The following ADGRF1 variants were observed in gnomAD, a reference collection of about 807,000 sequenced individuals.
ADGRF1 encodes the protein G protein-coupled receptor 110.
Under a neutral mutation model 87.2 loss-of-function variants are expected in ADGRF1, and 85 were observed. The ratio of observed to expected loss-of-function variants is 0.97; its 90% CI spans 0.82 to 1.17. ADGRF1 has a LOEUF of 1.17. ADGRF1 is among the 50% of genes most tolerant of loss of function. The pLI, the probability that ADGRF1 is intolerant of heterozygous loss-of-function variation, is 0.00. For synonymous variants in ADGRF1, 430 were observed against 408.8 expected (o/e 1.05, Z -0.63); for missense variants, 1,169 against 1,077.2 (o/e 1.09, Z -1.19).
chr6:47,012,248 C>A, intron 9 of ADGRF1, 53 bp from the exon 10 acceptor site: 1 of 1,586,128 alleles, frequency 6.3e-7, no homozygotes, highest in Non-Finnish European at 8.6e-7. Flanking sequence ...TGTGTTTCAT[C>A]AAATTTAAAT....
chr6:47,011,673 G>A (rs1242863180), intron 10 of ADGRF1, among the ~76,000 whole-genome samples: 1 of 152,172 alleles, frequency 6.6e-6, no homozygotes, highest in Non-Finnish European at 1.5e-5. Flanking sequence ...AATATACACT[G>A]TTCAAGTCTG....
chr6:46,999,929 A>C lies in ADGRF1; in HGVS notation c.*293T>G, dbSNP rs894187869. 3 of 237,440 alleles carry C rather than the reference A, an allele frequency of 1.3e-5. No homozygotes were observed. Among genetic ancestry groups the C allele is most frequent in the Middle Eastern group, 1.5e-3 (1 of 688 alleles). 14.7% of individuals were successfully genotyped at this position (237,440 alleles called of 1,614,324 possible). A position where few individuals can be genotyped will look rare whatever the true frequency, so the allele number is the denominator to read the frequency against. ...ATGTGAATAATGCTGTTTTATGAAAATAGAAACCATATTTTATGGTCAGGG... is the reference window on the plus strand; with the variant it reads ...ATGTGAATAATGCTGTTTTATGAAACTAGAAACCATATTTTATGGTCAGGG... On this transcript the variant is annotated 3_prime_UTR_variant, in exon 15 of 15. Transcript: ENST00000371253.
intron 4 of ADGRF1, 58 bp downstream of exon 4, chr6:47,025,796 C>G (rs1780210318): frequency 3.4e-6 from 5 of 1,473,642 alleles, no homozygotes; most frequent in African/African-American, 2.8e-5. Flanking sequence ...CCCAACCTAG[C>G]CTGACTGATA....
chr6:47,038,931 C>T (rs1780664960), intron 1 of ADGRF1, among the ~76,000 whole-genome samples: 1 of 152,152 alleles, frequency 6.6e-6, no homozygotes, highest in Non-Finnish European at 1.5e-5. Context: ...AGTCGGGCTG[C>T]ATGCAGTACA....
At chr6:47,020,263 C>G in intron 7 of ADGRF1, 1 of 1,237,848 alleles carries the variant, frequency 8.1e-7, no homozygotes, top group South Asian at 2.8e-5. Flanking sequence ...GGGGCCGAGG[C>G]AGGCGGATCA....
rs1188828008 is a variant in ADGRF1 at position 46,998,786 on chromosome 6, TG to T, written c.*1435del. On this transcript the variant is annotated 3_prime_UTR_variant, in exon 15 of 15. Coordinates refer to ENST00000371253, the MANE Select transcript of ADGRF1 (RefSeq NM_153840.4). ...CAAAGAAGTCTTTCTCATAAAATTC[TG>T]TTGACTCTCATACATATTTGTGGGG... 6.6e-6 allele frequency: 1 copy of T among 152,288 alleles called. No individual in the cohort carries two copies. The highest frequency in any genetic ancestry group is 6.5e-5 in the Admixed American group (1 of 15,292). 9.4% of individuals were successfully genotyped at this position (152,288 alleles called of 1,614,324 possible).
intron 9 of ADGRF1, chr6:47,014,413 C>T (rs1303965534): frequency 2.6e-6 from 3 of 1,167,552 alleles, no homozygotes; most frequent in Non-Finnish European, 3.2e-6. Flanking sequence ...CATAGACCTC[C>T]TCAGCAATGA....
At chr6:47,008,315 C>A (rs1436942471) in intron 11 of ADGRF1, among the ~76,000 whole-genome samples, 1 of 152,186 alleles carries the variant, frequency 6.6e-6, no homozygotes, top group Admixed American at 6.5e-5. Context: ...TCTCTGAACA[C>A]TTTCTGACTG....
At chr6:47,021,371 T>TC (rs1780044469) in intron 6 of ADGRF1, among the ~76,000 whole-genome samples, 1 of 152,178 alleles carries the variant, frequency 6.6e-6, no homozygotes, top group Non-Finnish European at 1.5e-5. Context: ...GATTTTTTTT[T>TC]GTTTTTTGAT....
intron 1 of ADGRF1, among the ~76,000 whole-genome samples, chr6:47,038,859 T>A (rs552139500): frequency 6.6e-6 from 1 of 152,372 alleles, no homozygotes; most frequent in Admixed American, 6.5e-5. Flanking sequence ...TCATTAAGTG[T>A]CTTATCAGAA....
intron 4 of ADGRF1, among the ~76,000 whole-genome samples, chr6:47,025,444 A>G (rs1780199798): frequency 6.6e-6 from 1 of 152,146 alleles, no homozygotes; most frequent in South Asian, 2.1e-4. Flanking sequence ...TTGTTTGCCA[A>G]ATATTTCTTG....
chr6:47,040,197 G>A (rs184473529), intron 1 of ADGRF1, among the ~76,000 whole-genome samples: 158 of 152,236 alleles, frequency 1.0e-3, no homozygotes, highest in Admixed American at 2.4e-3. Flanking sequence ...GAGCGTGGTG[G>A]CTCACGCCTG....
In ADGRF1 at chr6:47,016,641, C is replaced by A. The variant is rs1019199828; in HGVS notation, c.739G>T (p.Gly247Cys). 1 of 1,609,180 alleles carries A rather than the reference C, an allele frequency of 6.2e-7. No homozygotes were observed. Among genetic ancestry groups the A allele is most frequent in the East Asian group, 2.2e-5 (1 of 44,788 alleles). The change falls in exon 8 of 15, where the codon GGC becomes TGC. Residue 247 changes from glycine to cysteine, a missense_variant. Physicochemically the swap from Gly to Cys is radical, Grantham distance 159 (BLOSUM62 -3). Coordinates refer to ENST00000371253, the MANE Select transcript of ADGRF1 (RefSeq NM_153840.4). ...ALHKLFPLED[G>C]SFRVFGKAQC... ...CCTTTTCCGAACACTCTGAAAGAGC[C>A]GTCTTCTAATGGAAACAGCTTGTGA...
rs180678179 is a variant in ADGRF1, at chr6:47,027,983, G to A, written c.70-222C>T. On this transcript the variant is annotated intron_variant, in intron 2 of 14. Coordinates refer to ENST00000371253, the MANE Select transcript of ADGRF1 (RefSeq NM_153840.4). ...AAGGCAGAATGAGGACACCAGAGCC[G>A]CTGAGAGAGGAGAGTGAGAGGAGAG... is the stretch of plus-strand genomic sequence containing the variant. Among the ~76,000 whole-genome samples the A allele has an allele frequency of 1.1e-4, 17 of 152,256 alleles. No individual in the cohort carries two copies. In the East Asian group the frequency reaches 1.7e-3, roughly 16 times the overall value.
intron 5 of ADGRF1, 52 bp downstream of exon 5, chr6:47,023,992 T>C: frequency 1.3e-6 from 2 of 1,516,132 alleles, no homozygotes; most frequent in Non-Finnish European, 9.1e-7. Context: ...CCCCTCTCTG[T>C]TGCATGTTGG....
Position 47,009,756 on chromosome 6 carries a change from G to T in ADGRF1, c.1679C>A (p.Thr560Lys), listed in dbSNP as rs144411523. Residue 560 changes from threonine (T) to lysine (K), a missense_variant, in exon 11 of 15, where the codon ACG (threonine) becomes AAG (lysine). By Grantham distance (78) the Thr-to-Lys change is moderately conservative (BLOSUM62 -1). Coordinates refer to ENST00000371253, the MANE Select transcript of ADGRF1 (RefSeq NM_153840.4). Reference protein sequence around the residue: ...HLVNETQDIVTCQCTHLTSFS... With the variant: ...HLVNETQDIVKCQCTHLTSFS... ...GGAGGTCAAGTGAGTACATTGGCAC[G>T]TCACGATGTCTTGAGTTTCATTCAC... 8.4e-5 allele frequency: 135 copies of T among 1,614,038 alleles called. No individual in the cohort carries two copies. The highest frequency in any genetic ancestry group is 1.1e-4 in the Non-Finnish European group (131 of 1,179,998).
At chr6:47,038,426 T>C (rs1370236327) in intron 1 of ADGRF1, among the ~76,000 whole-genome samples, 1 of 152,222 alleles carries the variant, frequency 6.6e-6, no homozygotes. Context: ...CCTTGATAAT[T>C]CTTTATCAAT....
Position 46,998,819 on chromosome 6 carries a change from A to G in ADGRF1, c.*1403T>C, listed in dbSNP as rs1779280027. 6.6e-6 allele frequency: 1 copy of G among 152,244 alleles called. No individual in the cohort carries two copies. 9.4% of individuals were successfully genotyped at this position (152,244 alleles called of 1,614,324 possible). ...CTCATACATATTTGTGGGGTATAGA[A>G]CCATCTAACTGATCCTCAGTCATTT... On this transcript the variant is annotated 3_prime_UTR_variant, in exon 15 of 15. Coordinates refer to ENST00000371253, the MANE Select transcript of ADGRF1 (RefSeq NM_153840.4).
chr6:47,000,336 T>C, intron 14 of ADGRF1, 41 bp from the exon 15 acceptor site: 1 of 1,464,580 alleles, frequency 6.8e-7, no homozygotes. Context: ...TGTTACTCTG[T>C]TGAAATCAAG....
Sources: gnomAD v4.1 joint callset for allele counts (sites outside exome capture counted in the v4.1 genomes callset) on GRCh38, gnomAD v4.1.1 for gene constraint, MANE v1.5 for transcripts, NCBI Gene and HGNC (gene_info 2026-07-23, HGNC 2026-07-21) for gene names.